The following ZNF148 variants were observed in gnomAD, a reference collection of about 807,000 sequenced individuals.
The protein encoded by ZNF148 is zinc finger protein 148, also known as Beta-Enolase Repressor Factor-1.
ZNF148 carries 7 observed loss-of-function variants against 67.7 expected under a neutral mutation model. The ratio of observed to expected loss-of-function variants is 0.10; its 90% CI spans 0.06 to 0.19. ZNF148 has a LOEUF of 0.19. Among genes scored for constraint, ZNF148 ranks in the 10% least tolerant of loss-of-function variants. ZNF148 has a pLI of 1.00. For synonymous variants in ZNF148, 333 were observed against 330.7 expected, an observed-to-expected ratio of 1.01 and a Z score of -0.08; for missense variants, 583 against 947.1, an observed-to-expected ratio of 0.62 and a Z score of 5.05.
At chr3:125,252,766 CAA>C (rs35108764) in intron 7 of ZNF148, among the ~76,000 whole-genome samples, 10,830 of 123,586 alleles carry the variant, frequency 0.088, 427 homozygotes, top group Non-Finnish European at 0.11. Flanking sequence ...GACTCTGTCT[CAA>C]AAAAAAAAAA....
intron 1 of ZNF148, among the ~76,000 whole-genome samples, chr3:125,342,069 A>C (rs537350585): frequency 1.1e-4 from 17 of 151,998 alleles, no homozygotes; most frequent in African/African-American, 3.9e-4. Flanking sequence ...AATTCACCCA[A>C]TCTGAACAAG....
rs1405571004 is a variant in ZNF148 at position 125,225,821 on chromosome 3, T to C, written c.*6520A>G. On this transcript the variant is annotated 3_prime_UTR_variant, in exon 9 of 9. Coordinates refer to ENST00000360647, the MANE Select transcript of ZNF148 (RefSeq NM_021964.3). ...ATGCATTAGTAGACTATCAGTGGTA[T>C]TATTATGTACAATTGGTTAAAGCAC... is the stretch of plus-strand genomic sequence containing the variant. 6.6e-6 allele frequency: 1 copy of C among 152,214 alleles called. No homozygotes were observed. The highest frequency in any genetic ancestry group is 2.4e-5 in the African/African-American group (1 of 41,448). 9.4% of individuals were successfully genotyped at this position (152,214 alleles called of 1,614,324 possible).
At chr3:125,357,437 C>A (rs1942391879) in intron 1 of ZNF148, among the ~76,000 whole-genome samples, 1 of 152,246 alleles carries the variant, frequency 6.6e-6, no homozygotes, top group African/African-American at 2.4e-5. Flanking sequence ...CGGGGTTCGC[C>A]AGACGGTGGG....
chr3:125,232,683 A>C lies in ZNF148; in HGVS notation c.2043T>G (p.Gly681=). The change falls in exon 9 of 9, where the codon GGT becomes GGG. Residue 681 remains glycine, a synonymous_variant. Coordinates refer to ENST00000360647, the MANE Select transcript of ZNF148 (RefSeq NM_021964.3). The surrounding 1 kb of genome is among the most constrained non-coding windows in gnomAD (Gnocchi z 4.2). ...AAAAGGGAAATGAGTGCTGTGAATC[A>C]CCAACTATTAGTCCAAAGTGGGACT... ...PDKSHFGLIV[G]DSQHSFPFSG... 1 of 1,613,884 alleles carries C rather than the reference A, an allele frequency of 6.2e-7. No homozygotes were observed.
rs566376383 is a variant in ZNF148 at position 125,232,058 on chromosome 3, C to CT, written c.*282dup. On this transcript the variant is annotated 3_prime_UTR_variant, in exon 9 of 9. Coordinates refer to ENST00000360647, the MANE Select transcript of ZNF148 (RefSeq NM_021964.3). The surrounding 1 kb of genome is among the most constrained non-coding windows in gnomAD (Gnocchi z 4.2). ...AGTTAGGAAACAATTGTGCGAAAGT[C>CT]TTTTTTTTTTCCTTTTTAACTTGGT... 0.017 allele frequency: 4,689 copies of CT among 282,700 alleles called. 59 individuals carry two copies. The highest frequency in any genetic ancestry group is 0.053 in the African/African-American group (2,392 of 44,890). The allele number at this position is 282,700 out of a possible 1,614,324, so 17.5% of individuals were successfully genotyped here.
chr3:125,333,725 T>C (rs1157074713), intron 1 of ZNF148, among the ~76,000 whole-genome samples: 1 of 152,242 alleles, frequency 6.6e-6, no homozygotes, highest in Admixed American at 6.5e-5. Context: ...TAAATAATCT[T>C]TGATTATAAA....
chr3:125,279,652 T>C (rs1002420686), intron 5 of ZNF148, among the ~76,000 whole-genome samples: 2 of 151,400 alleles, frequency 1.3e-5, no homozygotes, highest in African/African-American at 2.4e-5. Context: ...AAATAAATCA[T>C]GGAAAATGAA....
chr3:125,257,267 T>C (rs1485481260), intron 7 of ZNF148, among the ~76,000 whole-genome samples: 1 of 151,936 alleles, frequency 6.6e-6, no homozygotes, highest in Non-Finnish European at 1.5e-5. Flanking sequence ...TTAAAATAGG[T>C]TTGGCCGGGC....
At chr3:125,249,874 C>T (rs893967031) in intron 7 of ZNF148, among the ~76,000 whole-genome samples, 5 of 152,134 alleles carry the variant, frequency 3.3e-5, no homozygotes, top group Middle Eastern at 3.4e-3. Flanking sequence ...TCATTTGTGA[C>T]AATGTGGATG....
At chr3:125,344,614 G>A in intron 1 of ZNF148, 1 of 763,072 alleles carries the variant, frequency 1.3e-6, no homozygotes, top group Non-Finnish European at 2.4e-6. Flanking sequence ...TGTCATAGAT[G>A]TACCATCTTT....
chr3:125,317,971 C>CT (rs1940599505), intron 3 of ZNF148, among the ~76,000 whole-genome samples: 1 of 151,838 alleles, frequency 6.6e-6, no homozygotes, highest in Non-Finnish European at 1.5e-5. Context: ...AGTCATACCT[C>CT]TATCATATAC....
chr3:125,360,534 C>A (rs932740862), intron 1 of ZNF148, among the ~76,000 whole-genome samples: 1 of 152,154 alleles, frequency 6.6e-6, no homozygotes, highest in Non-Finnish European at 1.5e-5. Flanking sequence ...GATCCTCCTG[C>A]CCCTGCCTCC....
intron 1 of ZNF148, among the ~76,000 whole-genome samples, chr3:125,364,931 A>C (rs1265924280): frequency 6.6e-6 from 1 of 152,164 alleles, no homozygotes; most frequent in Non-Finnish European, 1.5e-5. Context: ...ACCAACCCCT[A>C]AACATGTCCT....
intron 1 of ZNF148, among the ~76,000 whole-genome samples, chr3:125,334,133 T>C (rs1334331633): frequency 6.6e-6 from 1 of 152,228 alleles, no homozygotes; most frequent in Non-Finnish European, 1.5e-5. Flanking sequence ...CACAAGTATT[T>C]TGCAGAAGTC....
intron 4 of ZNF148, among the ~76,000 whole-genome samples, chr3:125,296,080 T>C (rs1279890768): frequency 6.6e-6 from 1 of 151,790 alleles, no homozygotes; most frequent in Non-Finnish European, 1.5e-5. Context: ...CCTTCTAAAT[T>C]CCCTGCCTTT....
intron 4 of ZNF148, among the ~76,000 whole-genome samples, chr3:125,293,263 C>G (rs1394517707): frequency 6.6e-6 from 1 of 152,124 alleles, no homozygotes; most frequent in African/African-American, 2.4e-5. Flanking sequence ...TATACAATCC[C>G]TTTCTCTCTT....
At position 125,243,305 on chromosome 3, in the gene ZNF148, C is replaced by T. The variant is rs1936451285; in HGVS notation, c.668-8976G>A. ...CTATTCCCTGCGTATGTGTGTGTGG[C>T]TATACAAAGGGTATGGTTTTCTGCT... On this transcript the variant is annotated intron_variant, in intron 7 of 8. Transcript: ENST00000360647. 2.0e-5 allele frequency among the ~76,000 whole-genome samples: 3 copies of T among 152,146 alleles called. No individual in the cohort carries two copies. The South Asian group carries it at 6.2e-4, about 32-fold the overall frequency.
chr3:125,260,116 C>T (rs1246361335), intron 7 of ZNF148, among the ~76,000 whole-genome samples: 1 of 151,842 alleles, frequency 6.6e-6, no homozygotes, highest in Non-Finnish European at 1.5e-5. Flanking sequence ...TTTGTGGTGC[C>T]CCAAAACAAT....
intron 4 of ZNF148, among the ~76,000 whole-genome samples, chr3:125,293,723 G>GT (rs1939140188): frequency 6.6e-6 from 1 of 152,026 alleles, no homozygotes; most frequent in Non-Finnish European, 1.5e-5. Flanking sequence ...AAATGAAACA[G>GT]TAAAAACAAC....
Sources: allele counts gnomAD v4.1 joint callset (sites outside exome capture counted in the v4.1 genomes callset), GRCh38; gene constraint gnomAD v4.1.1; non-coding constraint Gnocchi (gnomAD v3.1); transcripts MANE v1.5; gene names NCBI Gene and HGNC (gene_info 2026-07-23, HGNC 2026-07-21).